Variants in IL34 observed in about 807,000 individuals in gnomAD.
The protein encoded by IL34 is interleukin 34.
A neutral mutation model predicts 25.3 loss-of-function variants in IL34; 17 were observed. The ratio of observed to expected loss-of-function variants is 0.67; its 90% confidence interval spans 0.46 to 1.01. The LOEUF (loss-of-function observed/expected upper bound fraction) is 1.01. Ranked by LOEUF, IL34 falls within the 50% of genes least tolerant of loss-of-function variation. The probability of loss-of-function intolerance (pLI) is 0.00; values close to 1 mark genes in which losing one functional copy is unlikely to be tolerated. For missense variants in IL34, 368 were observed against 312.9 expected (o/e 1.18, Z -1.33); for synonymous variants, 174 against 140.9 (o/e 1.23, Z -1.66).
intron 1 of IL34, among the ~76,000 whole-genome samples, chr16:70,622,824 T>C (rs1031705499): frequency 2.6e-5 from 4 of 151,982 alleles, no homozygotes; most frequent in Admixed American, 2.6e-4. Flanking sequence ...GAGAGTGAGT[T>C]GAGCATAGTT....
chr16:70,622,813 A>G (rs1307674993), intron 1 of IL34, among the ~76,000 whole-genome samples: 3 of 152,094 alleles, frequency 2.0e-5, no homozygotes, highest in African/African-American at 7.2e-5. Context: ...TGAGAAATGT[A>G]GAGAGTGAGT....
chr16:70,627,622 C>G (rs1423438990), intron 1 of IL34, among the ~76,000 whole-genome samples: 2 of 152,080 alleles, frequency 1.3e-5, no homozygotes, highest in Non-Finnish European at 2.9e-5. Context: ...GCACAAGCCA[C>G]CATACCTGGC....
rs553789422 is a variant in IL34, at chr16:70,601,589, G to A, written c.-401+21540G>A. ...ATTTTTTTGTATGTTTAGTAGAGAC[G>A]GGGTTTTGCCATGTTGCCCAGGCTG... On this transcript the variant is annotated intron_variant, in intron 1 of 6. Coordinates refer to the IL34 transcript ENST00000429149. 3.9e-5 allele frequency among the ~76,000 whole-genome samples: 6 copies of A among 151,900 alleles called. No homozygotes were observed. The South Asian group carries it at 1.3e-3, about 32-fold the overall frequency.
intron 1 of IL34, among the ~76,000 whole-genome samples, chr16:70,604,674 G>A (rs1452265303): frequency 2.0e-5 from 3 of 152,196 alleles, no homozygotes; most frequent in Non-Finnish European, 2.9e-5. Context: ...GCCGTGCCAG[G>A]TCTAGATTGG....
chr16:70,582,293 C>T (rs577717249), intron 1 of IL34, among the ~76,000 whole-genome samples: 8 of 152,382 alleles, frequency 5.2e-5, no homozygotes, highest in Admixed American at 4.6e-4. Flanking sequence ...TGCCACCATT[C>T]TTATCTGTCA....
chr16:70,586,959 A>T (rs970251517), intron 1 of IL34, among the ~76,000 whole-genome samples: 4 of 152,088 alleles, frequency 2.6e-5, no homozygotes, highest in Non-Finnish European at 5.9e-5. Flanking sequence ...ATAATCCAAG[A>T]TGTTGCGGGC....
intron 1 of IL34, among the ~76,000 whole-genome samples, chr16:70,612,670 G>C (rs1290691723): frequency 6.6e-6 from 1 of 152,234 alleles, no homozygotes; most frequent in Non-Finnish European, 1.5e-5. Context: ...GGTATAAAGT[G>C]AGTTGGAAAA....
At chr16:70,655,414 G>A (rs1597781766) in intron 2 of IL34, among the ~76,000 whole-genome samples, 1 of 150,010 alleles carries the variant, frequency 6.7e-6, no homozygotes, top group African/African-American at 2.5e-5. Flanking sequence ...TTTGAGACAG[G>A]GTCTTGCTCT....
intron 1 of IL34, among the ~76,000 whole-genome samples, chr16:70,593,172 GT>G (rs1430606254): frequency 6.6e-6 from 1 of 152,018 alleles, no homozygotes; most frequent in Non-Finnish European, 1.5e-5. Flanking sequence ...TTATTGTTGA[GT>G]TTTAAGAGTT....
At chr16:70,647,132 G>A (rs573481132) in intron 1 of IL34, among the ~76,000 whole-genome samples, 157 bp downstream of exon 1, 3 of 152,242 alleles carry the variant, frequency 2.0e-5, no homozygotes, top group African/African-American at 7.2e-5. Context: ...CACGGCCGCC[G>A]TCTGCCCTGT....
chr16:70,592,933 G>C (rs2050773525), intron 1 of IL34, among the ~76,000 whole-genome samples: 1 of 152,142 alleles, frequency 6.6e-6, no homozygotes, highest in South Asian at 2.1e-4. Context: ...GATTACAGGC[G>C]TGAGCCACCG....
At chr16:70,655,504 C>G (rs2151882387) in intron 2 of IL34, among the ~76,000 whole-genome samples, 1 of 152,236 alleles carries the variant, frequency 6.6e-6, no homozygotes, top group South Asian at 2.1e-4. Flanking sequence ...CCTCCCACCT[C>G]AGCCTCCCAA....
intron 1 of IL34, among the ~76,000 whole-genome samples, chr16:70,603,664 C>G (rs1405668828): frequency 2.6e-5 from 4 of 152,162 alleles, no homozygotes; most frequent in African/African-American, 9.7e-5. Flanking sequence ...CCTCAATGTC[C>G]TGGGCTCAGA....
chr16:70,625,997 G>A (rs1158123074), intron 1 of IL34, among the ~76,000 whole-genome samples: 1 of 152,196 alleles, frequency 6.6e-6, no homozygotes, highest in Non-Finnish European at 1.5e-5. Flanking sequence ...CCCCCGATCC[G>A]AGTCACGGCA....
At chr16:70,601,310 T>C (rs936378875) in intron 1 of IL34, among the ~76,000 whole-genome samples, 2 of 152,170 alleles carry the variant, frequency 1.3e-5, no homozygotes, top group African/African-American at 4.8e-5. Flanking sequence ...TCTTGCTATG[T>C]TTCACAGGCT....
rs555450838 is a variant in IL34 at position 70,608,760 on chromosome 16, G to C, written c.-401+28711G>C. Among the ~76,000 whole-genome samples the C allele has an allele frequency of 1.7e-4, 26 of 152,356 alleles. 1 individual carries two copies. The South Asian group carries it at 2.1e-3, about 12-fold the overall frequency. On this transcript the variant is annotated intron_variant, in intron 1 of 6. Transcript: ENST00000429149. ...CTCTGCTGCCTCTCTCTCTTGCCTG[G>C]AGAGGCACCTGGGGCTCATCATGGG...
At chr16:70,659,566 C>CT in intron 4 of IL34, 52 bp from the exon 5 acceptor site, 1 of 1,557,840 alleles carries the variant, frequency 6.4e-7, no homozygotes. Flanking sequence ...CACGGCTCTC[C>CT]TGGGGTGCGG....
At chr16:70,647,637 G>A (rs1486648773) in intron 1 of IL34, among the ~76,000 whole-genome samples, 1 of 152,170 alleles carries the variant, frequency 6.6e-6, no homozygotes, top group African/African-American at 2.4e-5. Context: ...CCTCCCACGT[G>A]CCCACTGCAG....
At chr16:70,643,413 C>G (rs538105804), upstream of IL34, among the ~76,000 whole-genome samples, 38 of 152,332 alleles carry the variant, frequency 2.5e-4, no homozygotes, top group South Asian at 7.7e-3. Flanking sequence ...CTTTGTCACC[C>G]ATGCTGGAGT....
Sources: gnomAD v4.1 joint callset for allele counts (sites outside exome capture counted in the v4.1 genomes callset) on GRCh38, gnomAD v4.1.1 for gene constraint, MANE v1.5 for transcripts, NCBI Gene and HGNC (gene_info 2026-07-23, HGNC 2026-07-21) for gene names.